Variants in PPL observed in about 807,000 individuals in gnomAD.
PPL encodes 190 kDa paraneoplastic pemphigus antigen.
A neutral mutation model predicts 194.4 loss-of-function variants in PPL; 198 were observed. The observed-to-expected ratio is 1.02, with a 90% CI of 0.91 to 1.15. The LOEUF is 1.15. PPL is among the 50% of genes most tolerant of loss of function. The pLI is 0.00. For missense variants in PPL, 2,885 were observed against 2,294.8 expected (o/e 1.26, Z -5.25); for synonymous variants, 1,220 against 972.4 (o/e 1.25, Z -4.74).
At chr16:4,891,971 C>T (rs768084555) in intron 15 of PPL, 22 bp from the exon 16 acceptor site, 39 of 1,610,740 alleles carry the variant, frequency 2.4e-5, no homozygotes, top group Middle Eastern at 3.3e-4. Flanking sequence ...AATCAGGCGT[C>T]GGGGGATGCC....
chr16:4,894,441 GCA>G (rs1168276486), intron 12 of PPL, 24 bp downstream of exon 12: 2 of 1,612,442 alleles, frequency 1.2e-6, no homozygotes, highest in Admixed American at 3.3e-5. Flanking sequence ...ACTGGTCCAT[GCA>G]GACTCCCGCC....
At chr16:4,889,241 G>GTTT (rs869094472) in intron 18 of PPL, among the ~76,000 whole-genome samples, 180 bp from the exon 19 acceptor site, 15 of 66,630 alleles carry the variant, frequency 2.3e-4, no homozygotes, top group African/African-American at 1.1e-3. Flanking sequence ...TGTTGTTGTT[G>GTTT]TTTTTTTTTT....
chr16:4,916,536 C>T (rs1033486776), intron 1 of PPL, among the ~76,000 whole-genome samples: 10 of 152,062 alleles, frequency 6.6e-5, no homozygotes, highest in African/African-American at 2.2e-4. Flanking sequence ...GACAGGGTCT[C>T]ACTCTGTTGC....
At chr16:4,890,051 A>G in intron 18 of PPL, 133 bp downstream of exon 18, 2 of 1,310,206 alleles carry the variant, frequency 1.5e-6, no homozygotes, top group South Asian at 2.6e-5. Context: ...GCTGAGGCCC[A>G]GGGAGGACAC....
At chr16:4,899,945 T>C (rs2088525015) in intron 6 of PPL, among the ~76,000 whole-genome samples, 2 of 152,168 alleles carry the variant, frequency 1.3e-5, no homozygotes, top group African/African-American at 2.4e-5. Flanking sequence ...CCACGCCTGA[T>C]GAACTTCTGC....
chr16:4,893,238 C>G lies in PPL; in HGVS notation c.1625G>C (p.Ser542Thr). The change falls in exon 14 of 22, where the codon AGT becomes ACT. Residue 542 changes from serine (S) to threonine (T), a missense_variant. Transcript: ENST00000345988. Reference sequence around the variant, plus strand: ...CTTGAGGTCCTTGGCCCGCTCGGCACTGTCCTGCACAGCCCGGCCTTGCTC... The same window carrying G: ...CTTGAGGTCCTTGGCCCGCTCGGCAGTGTCCTGCACAGCCCGGCCTTGCTC... ...PLEQGRAVQD[S>T]AERAKDLKNI... is the part of the protein sequence containing the mutation. 6.3e-7 allele frequency: 1 copy of G among 1,586,112 alleles called. No homozygotes were observed. Among genetic ancestry groups the G allele is most frequent in the South Asian group, 1.1e-5 (1 of 88,522 alleles).
At chr16:4,889,672 TTA>T (rs1439328479) in intron 18 of PPL, among the ~76,000 whole-genome samples, 2 of 152,120 alleles carry the variant, frequency 1.3e-5, no homozygotes, top group African/African-American at 2.4e-5. Context: ...CTGACTTAGA[TTA>T]TCTCATTTAA....
At chr16:4,908,422 TTCTCTCTC>T (rs58737308) in intron 2 of PPL, among the ~76,000 whole-genome samples, 2 of 148,520 alleles carry the variant, frequency 1.3e-5, no homozygotes, top group South Asian at 2.2e-4. Flanking sequence ...TCTTCCTTCT[TTCTCTCTC>T]TCTCTCTCTC....
chr16:4,890,159 G>T lies in PPL; in HGVS notation c.2313+25C>A, dbSNP rs1189026681. 3.1e-6 allele frequency: 5 copies of T among 1,613,748 alleles called. No homozygotes were observed. In the East Asian group the frequency reaches 1.1e-4, roughly 36 times the overall value. On this transcript the variant is annotated intron_variant, in intron 18 of 21. Transcript: ENST00000345988. Reference sequence around the variant, plus strand: ...GACCCTCCCTTGCCAGTGTGTGCCTGGGGCTGCGGAAACGGCCATCTCACC... The same window carrying T: ...GACCCTCCCTTGCCAGTGTGTGCCTTGGGCTGCGGAAACGGCCATCTCACC...
chr16:4,890,624 A>C (rs550221843), intron 17 of PPL, 104 bp downstream of exon 17: 1 of 1,391,222 alleles, frequency 7.2e-7, no homozygotes, highest in East Asian at 2.5e-5. Flanking sequence ...ACTCACCAAA[A>C]AGAAAAACAG....
In PPL at chr16:4,893,632, G is replaced by C; in HGVS notation, c.1401C>G (p.Gly467=). 1.3e-6 allele frequency: 2 copies of C among 1,588,276 alleles called. 1 individual carries two copies. The highest frequency in any genetic ancestry group is 2.3e-5 in the South Asian group (2 of 88,502). ...TCTGCCGCACGCTCCGGTACTGGCTGCCCAGGCTGTGAGGACAGAAATGAG... is the reference window on the plus strand; with the variant it reads ...TCTGCCGCACGCTCCGGTACTGGCTCCCCAGGCTGTGAGGACAGAAATGAG... ...PEALALADSL[G]SQYRSVRQKA... The change falls in exon 13 of 22, where the codon GGC becomes GGG. Residue 467 remains glycine (G), a synonymous_variant. Transcript: ENST00000345988.
chr16:4,913,519 G>A (rs1417205229), intron 1 of PPL, among the ~76,000 whole-genome samples: 1 of 152,180 alleles, frequency 6.6e-6, no homozygotes, highest in Non-Finnish European at 1.5e-5. Flanking sequence ...TTGTCAAGGA[G>A]CCTTAGAGAT....
chr16:4,903,775 A>G, intron 3 of PPL, 111 bp downstream of exon 3: 1 of 1,306,492 alleles, frequency 7.7e-7, no homozygotes, highest in Non-Finnish European at 1.1e-6. Flanking sequence ...CCTGGCACCT[A>G]ATTAGCCCTT....
At chr16:4,936,037 T>C (rs1487152383) in intron 1 of PPL, among the ~76,000 whole-genome samples, 1 of 152,126 alleles carries the variant, frequency 6.6e-6, no homozygotes, top group African/African-American at 2.4e-5. Context: ...TCCCACCCCC[T>C]CCGTCAATCT....
At position 4,893,588 on chromosome 16, in the gene PPL, C is replaced by T. The variant is rs372552197; in HGVS notation, c.1445G>A (p.Arg482His). The stretch of plus-strand genomic sequence containing the variant: ...CACCTCATACCGCTGCTGCAGCGTG[C>T]GTTTGCTCCCAGCTGCCTTCTGCCG... ...SVRQKAAGSK[R>H]TLQQRYEVLK... The change falls in exon 13 of 22, where the codon CGC (arginine) becomes CAC (histidine). Residue 482 changes from arginine (R) to histidine (H), a missense_variant. Physicochemically the swap from Arg to His is conservative, Grantham distance 29. Coordinates refer to ENST00000345988, the MANE Select transcript of PPL (RefSeq NM_002705.5). 1.3e-5 allele frequency: 21 copies of T among 1,610,810 alleles called. No individual in the cohort carries two copies. The highest frequency in any genetic ancestry group is 8.0e-5 in the African/African-American group (6 of 74,890).
intron 14 of PPL, 128 bp from the exon 15 acceptor site, chr16:4,892,341 C>T (rs2088336785): frequency 1.9e-6 from 2 of 1,057,130 alleles, no homozygotes; most frequent in South Asian, 3.3e-5. Flanking sequence ...CTGGCACATT[C>T]TGGGGCTCTG....
chr16:4,907,961 C>A (rs1025555112), intron 2 of PPL, among the ~76,000 whole-genome samples: 1 of 151,754 alleles, frequency 6.6e-6, no homozygotes, highest in African/African-American at 2.4e-5. Context: ...TGAGACCAGC[C>A]TGGCCAATGT....
chr16:4,893,765 G>A (rs2088366159), intron 12 of PPL, 127 bp from the exon 13 acceptor site: 3 of 716,850 alleles, frequency 4.2e-6, no homozygotes, highest in Non-Finnish European at 6.9e-6. Flanking sequence ...GATGCGGACA[G>A]CAAGTGCTCA....
At chr16:4,934,655 C>T (rs1291211186) in intron 1 of PPL, among the ~76,000 whole-genome samples, 3 of 152,070 alleles carry the variant, frequency 2.0e-5, no homozygotes, top group South Asian at 2.1e-4. Context: ...ATGGAGCGGG[C>T]CCCTGGAAAA....
Sources: gnomAD v4.1 joint callset for allele counts (sites outside exome capture counted in the v4.1 genomes callset) on GRCh38, gnomAD v4.1.1 for gene constraint, MANE v1.5 for transcripts, NCBI Gene and HGNC (gene_info 2026-07-23, HGNC 2026-07-21) for gene names.